NT5C2: variants seen among roughly 807,000 people sequenced by gnomAD.
NT5C2 encodes the protein 5'-nucleotidase, cytosolic II.
Under a neutral mutation model 76.1 loss-of-function variants are expected in NT5C2, and 58 were observed. That is an observed-to-expected ratio of 0.76 (90% CI 0.62 to 0.95). The LOEUF is 0.95. Ranked by LOEUF, NT5C2 falls within the 40% of genes least tolerant of loss-of-function variation. The pLI is 0.00. For missense variants in NT5C2, 478 were observed against 690.3 expected (o/e 0.69, Z 3.45); for synonymous variants, 229 against 237.4 (o/e 0.96, Z 0.32).
rs143420704 is a variant in NT5C2, at chr10:103,094,599, G to A, written c.814-144C>T. 232 of 621,976 alleles carry A rather than the reference G, an allele frequency of 3.7e-4. 2 individuals carry two copies. In the East Asian group the frequency reaches 6.3e-3, roughly 17 times the overall value. 38.5% of individuals were successfully genotyped at this position (621,976 alleles called of 1,614,324 possible). A position where few individuals can be genotyped will look rare whatever the true frequency, so the allele number is the denominator to read the frequency against. On this transcript the variant is annotated intron_variant, in intron 12 of 18. Transcript: ENST00000404739. ...ATTTTATTTTTTAAAAAGGTATTGT[G>A]TCAGCCAGGCACAGTGGCTCACACC...
At chr10:103,183,936 T>C (rs1469403968) in intron 1 of NT5C2, among the ~76,000 whole-genome samples, 2 of 151,890 alleles carry the variant, frequency 1.3e-5, no homozygotes, top group African/African-American at 4.8e-5. Context: ...TAGTTCATGA[T>C]AAGTTTTTGG....
chr10:103,119,960 A>T (rs994424125), intron 4 of NT5C2, among the ~76,000 whole-genome samples: 13 of 152,182 alleles, frequency 8.5e-5, no homozygotes, highest in African/African-American at 3.1e-4. Flanking sequence ...TTAGCCAGGC[A>T]TGATGGCACG....
chr10:103,186,981 T>C (rs1173530898), intron 1 of NT5C2, among the ~76,000 whole-genome samples: 3 of 150,648 alleles, frequency 2.0e-5, no homozygotes, highest in Non-Finnish European at 2.9e-5. Context: ...CCAGGGGCGG[T>C]GGTTCACGCC....
Position 103,094,227 on chromosome 10 carries a change from A to C in NT5C2, c.921+121T>G, listed in dbSNP as rs1225006198. 5.3e-6 allele frequency: 4 copies of C among 761,242 alleles called. No individual in the cohort carries two copies. The East Asian group carries it at 1.1e-4, about 20-fold the overall frequency. The allele number at this position is 761,242 out of a possible 1,614,324, so 47.2% of individuals were successfully genotyped here. A position where few individuals can be genotyped will look rare whatever the true frequency, so the allele number is the denominator to read the frequency against. On this transcript the variant is annotated intron_variant, in intron 13 of 18. Transcript: ENST00000404739. ...AGTTAAGACCAAAACTCTTAATTTCAAAAGAGAGATACGGCTAATTAAAAA... is the reference window on the plus strand; with the variant it reads ...AGTTAAGACCAAAACTCTTAATTTCCAAAGAGAGATACGGCTAATTAAAAA...
intron 4 of NT5C2, among the ~76,000 whole-genome samples, chr10:103,110,264 T>C (rs1181953401): frequency 6.6e-6 from 1 of 152,108 alleles, no homozygotes; most frequent in Non-Finnish European, 1.5e-5. Context: ...GAGACCACCC[T>C]GGCCAATATG....
At chr10:103,136,816 G>C (rs2079374251) in intron 4 of NT5C2, among the ~76,000 whole-genome samples, 1 of 151,974 alleles carries the variant, frequency 6.6e-6, no homozygotes, top group Non-Finnish European at 1.5e-5. Context: ...AGTAGAGATG[G>C]GGTTTCACCA....
chr10:103,093,173 G>A lies in NT5C2; in HGVS notation c.1125C>T (p.Leu375=), dbSNP rs760461845. 6.2e-6 allele frequency: 10 copies of A among 1,609,724 alleles called. No individual in the cohort carries two copies. The highest frequency in any genetic ancestry group is 2.7e-5 in the African/African-American group (2 of 74,676). ...CAGTCCAGACATGTAGCTCCTGTGC[G>A]AGTTCAGGAATCACCAAAAAAGTTC... ...GWRTFLVIPE[L]AQELHVWTDK... is the part of the protein sequence containing the mutation. The change falls in exon 15 of 19, where the codon CTC becomes CTT. Residue 375 remains leucine (L), a synonymous_variant. Coordinates refer to ENST00000404739, the MANE Select transcript of NT5C2 (RefSeq NM_001351169.2).
intron 4 of NT5C2, among the ~76,000 whole-genome samples, chr10:103,135,688 T>C (rs2079055608): frequency 6.6e-6 from 1 of 152,064 alleles, no homozygotes; most frequent in Non-Finnish European, 1.5e-5. Context: ...CTCAGGAGGC[T>C]GAGGCAGGAG....
chr10:103,174,207 G>C (rs1218163079), intron 3 of NT5C2, among the ~76,000 whole-genome samples: 1 of 151,986 alleles, frequency 6.6e-6, no homozygotes, highest in Non-Finnish European at 1.5e-5. Flanking sequence ...AGGAGTTCAA[G>C]ATCACCCTGG....
chr10:103,151,890 G>A (rs1037072093), intron 3 of NT5C2, among the ~76,000 whole-genome samples: 18 of 151,772 alleles, frequency 1.2e-4, no homozygotes, highest in African/African-American at 3.6e-4. Context: ...TTATCCATTC[G>A]GACAGTACAG....
rs529019866 is a variant in NT5C2, at chr10:103,183,693, AG to A, written c.-168-2366del. Among the ~76,000 whole-genome samples, 19 of 151,018 alleles carry A rather than the reference AG, an allele frequency of 1.3e-4. No individual in the cohort carries two copies. In the South Asian group the frequency reaches 4.0e-3, roughly 32 times the overall value. On this transcript the variant is annotated intron_variant, in intron 1 of 18. Transcript: ENST00000404739. Reference sequence around the variant, plus strand: ...ATATACTTTAAGTGGGGGTGGGAGGAGGGTGAGGGATGAGAAATTACCTGAT... The same window carrying A: ...ATATACTTTAAGTGGGGGTGGGAGGAGGTGAGGGATGAGAAATTACCTGAT...
intron 4 of NT5C2, among the ~76,000 whole-genome samples, chr10:103,110,397 A>G (rs1291797320): frequency 6.6e-6 from 1 of 152,212 alleles, no homozygotes; most frequent in Non-Finnish European, 1.5e-5. Context: ...CGGAGGTTGC[A>G]GTGATCCAAG....
chr10:103,161,523 G>T (rs1276903353), intron 3 of NT5C2, among the ~76,000 whole-genome samples: 1 of 152,136 alleles, frequency 6.6e-6, no homozygotes, highest in East Asian at 1.9e-4. Context: ...GAAGTACTGA[G>T]ATAGGCTACA....
At chr10:103,091,716 A>G (rs2066944337) in intron 15 of NT5C2, 101 bp from the exon 16 acceptor site, 2 of 916,362 alleles carry the variant, frequency 2.2e-6, no homozygotes, top group Admixed American at 1.9e-5. Flanking sequence ...ACTGGAAAGT[A>G]GAACCTGGGA....
intron 1 of NT5C2, among the ~76,000 whole-genome samples, chr10:103,189,950 G>A (rs1394998300): frequency 1.3e-5 from 2 of 148,662 alleles, no homozygotes; most frequent in African/African-American, 4.9e-5. Flanking sequence ...GATTACAGGC[G>A]TGAGCCACCG....
chr10:103,120,349 C>G (rs2075401885), intron 4 of NT5C2, among the ~76,000 whole-genome samples: 1 of 152,078 alleles, frequency 6.6e-6, no homozygotes, highest in Non-Finnish European at 1.5e-5. Context: ...GAAAAGAAAA[C>G]CCACAGAATG....
chr10:103,127,673 T>G (rs2076919251), intron 4 of NT5C2, among the ~76,000 whole-genome samples: 2 of 152,174 alleles, frequency 1.3e-5, no homozygotes, highest in African/African-American at 4.8e-5. Flanking sequence ...CAACCAACTC[T>G]CCCACAGTAC....
Position 103,088,760 on chromosome 10 carries a change from A to C in NT5C2, c.*912T>G, listed in dbSNP as rs577955112. On this transcript the variant is annotated 3_prime_UTR_variant, in exon 19 of 19. Coordinates refer to ENST00000404739, the MANE Select transcript of NT5C2 (RefSeq NM_001351169.2). ...ACTTTAGTAAGGTTCTGGCTTACAG[A>C]GCCCTCTTCCCATCCTCTGATGTTC... The C allele has an allele frequency of 7.4e-4, 133 of 180,794 alleles. No individual in the cohort carries two copies. The highest frequency in any genetic ancestry group is 2.8e-3 in the African/African-American group (119 of 42,534). 11.2% of individuals were successfully genotyped at this position (180,794 alleles called of 1,614,324 possible).
At chr10:103,097,528 T>C (rs1207602257) in intron 10 of NT5C2, among the ~76,000 whole-genome samples, 154 bp from the exon 11 acceptor site, 1 of 152,244 alleles carries the variant, frequency 6.6e-6, no homozygotes. Flanking sequence ...GCCCACATTA[T>C]CACTATAAAT....
Sources: gnomAD v4.1 joint callset for allele counts (sites outside exome capture counted in the v4.1 genomes callset) on GRCh38, gnomAD v4.1.1 for gene constraint, MANE v1.5 for transcripts, NCBI Gene and HGNC (gene_info 2026-07-23, HGNC 2026-07-21) for gene names.